Variants in ATE1 observed in about 807,000 individuals in gnomAD.
The protein encoded by ATE1 is arginyltransferase 1, also known as arginyl-tRNA--protein transferase 1.
Under a neutral mutation model 70.5 loss-of-function variants are expected in ATE1, and 36 were observed. The ratio of observed to expected loss-of-function variants is 0.51; its 90% CI spans 0.39 to 0.67. The LOEUF is 0.67. ATE1 is among the 30% of genes least tolerant of loss of function. ATE1 has a pLI of 0.00. For missense variants in ATE1, 593 were observed against 629.5 expected (o/e 0.94, Z 0.62); for synonymous variants, 232 against 219.3 (o/e 1.06, Z -0.51).
In ATE1 at chr10:121,770,233, AACACACAC is replaced by A. The variant is rs3036837; in HGVS notation, c.1378+19928_1378+19935del. 1.9e-3 allele frequency among the ~76,000 whole-genome samples: 263 copies of A among 136,924 alleles called. 1 individual carries two copies. Among genetic ancestry groups the A allele is most frequent in the African/African-American group, 4.2e-3 (153 of 36,816 alleles). 89.8% of individuals were successfully genotyped at this position (136,924 alleles called of 152,430 possible). On this transcript the variant is annotated intron_variant, in intron 11 of 11. Coordinates refer to ENST00000224652, the MANE Select transcript of ATE1 (RefSeq NM_001001976.3). Reference sequence around the variant, plus strand: ...CTAAGAATAAGAAAGACAAGAGAGAAACACACACACACACACACACACACACACACACA... The same window carrying A: ...CTAAGAATAAGAAAGACAAGAGAGAAACACACACACACACACACACACACA...
In ATE1 at chr10:121,821,165, C is replaced by G. The variant is rs769879047; in HGVS notation, c.1257+15553G>C. ...TTCACCATGTTAGCCAGGATGGTCT[C>G]GATCTCCTGACCTCGTGATCCACCT... On this transcript the variant is annotated intron_variant, in intron 10 of 11. Coordinates refer to ENST00000224652, the MANE Select transcript of ATE1 (RefSeq NM_001001976.3). 2.6e-5 allele frequency among the ~76,000 whole-genome samples: 4 copies of G among 152,220 alleles called. No homozygotes were observed. In the East Asian group the frequency reaches 7.8e-4, roughly 30 times the overall value.
chr10:121,811,249 T>C lies in ATE1; in HGVS notation c.1258-20960A>G, dbSNP rs7093600. Among the ~76,000 whole-genome samples the C allele has an allele frequency of 8.2e-3, 1,248 of 152,068 alleles. 21 individuals are homozygous for C. Among genetic ancestry groups the C allele is most frequent in the African/African-American group, 0.029 (1,199 of 41,462 alleles). On this transcript the variant is annotated intron_variant, in intron 10 of 11. Transcript: ENST00000224652. ...ATGCATATGTGTAAGTATATAAACA[T>C]ACATTCACATATCTGTATATAAACA... is the stretch of plus-strand genomic sequence containing the variant.
chr10:121,798,545 A>C (rs770559008), intron 10 of ATE1, among the ~76,000 whole-genome samples: 3 of 152,254 alleles, frequency 2.0e-5, no homozygotes, highest in Non-Finnish European at 4.4e-5. Flanking sequence ...TTTGTTAAGA[A>C]CATAGTCCTC....
chr10:121,897,824 CA>C (rs59751617), intron 7 of ATE1, among the ~76,000 whole-genome samples: 17,096 of 101,700 alleles, frequency 0.17, 1,077 homozygotes, highest in East Asian at 0.22. Flanking sequence ...GACTCCGTCT[CA>C]AAAAAAAAAA....
rs138075976 is a variant in ATE1, at chr10:121,852,066, A to G, written c.976-10803T>C. 1.9e-3 allele frequency among the ~76,000 whole-genome samples: 290 copies of G among 152,340 alleles called. 4 individuals carry two copies. In the East Asian group the frequency reaches 0.02, roughly 10 times the overall value. ...TATGTACCTTAGCTATGCCCAGAACACAGTGAAGGCTCAAAAGAACAGGAG... is the reference window on the plus strand; with the variant it reads ...TATGTACCTTAGCTATGCCCAGAACGCAGTGAAGGCTCAAAAGAACAGGAG... On this transcript the variant is annotated intron_variant, in intron 8 of 11. Transcript: ENST00000224652.
rs1947208377 is a variant in ATE1 at position 121,808,995 on chromosome 10, G to T, written c.1258-18706C>A. The stretch of plus-strand genomic sequence containing the variant: ...TGTAACATAATACATCAGTTATTTT[G>T]AAAGTACTGATTCACTGAGTTAGGC... On this transcript the variant is annotated intron_variant, in intron 10 of 11. Transcript: ENST00000224652. Among the ~76,000 whole-genome samples the T allele has an allele frequency of 3.9e-5, 6 of 152,192 alleles. No homozygotes were observed. In the South Asian group the frequency reaches 1.2e-3, roughly 32 times the overall value.
intron 10 of ATE1, among the ~76,000 whole-genome samples, chr10:121,836,146 C>A (rs1035666526): frequency 2.7e-4 from 41 of 152,124 alleles, no homozygotes; most frequent in African/African-American, 9.9e-4. Flanking sequence ...TACCTACTTT[C>A]TTCTTGAGCT....
intron 7 of ATE1, among the ~76,000 whole-genome samples, chr10:121,888,778 A>G (rs1223234324): frequency 6.6e-6 from 1 of 152,228 alleles, no homozygotes; most frequent in African/African-American, 2.4e-5. Context: ...ATAGTCATAC[A>G]TAAAACACTA....
chr10:121,885,918 T>C (rs139105533), intron 7 of ATE1, among the ~76,000 whole-genome samples: 2,385 of 151,902 alleles, frequency 0.016, 57 homozygotes, highest in African/African-American at 0.055. Flanking sequence ...TAAATAAATA[T>C]TAAATAAATA....
intron 5 of ATE1, among the ~76,000 whole-genome samples, chr10:121,910,435 G>A (rs1162935033): frequency 6.6e-6 from 1 of 151,768 alleles, no homozygotes; most frequent in African/African-American, 2.4e-5. Context: ...CCTGATTAAA[G>A]GCAAAGTTAA....
chr10:121,867,393 T>C (rs968623038), intron 8 of ATE1, among the ~76,000 whole-genome samples: 2 of 152,334 alleles, frequency 1.3e-5, no homozygotes, highest in African/African-American at 2.4e-5. Flanking sequence ...CCCAGCCTAA[T>C]TGCCTTCTGC....
chr10:121,860,500 C>T (rs1949429536), intron 8 of ATE1, among the ~76,000 whole-genome samples: 1 of 152,074 alleles, frequency 6.6e-6, no homozygotes, highest in African/African-American at 2.4e-5. Context: ...TAAATGTTTC[C>T]ATGAAAGCAA....
At chr10:121,771,371 T>C (rs908136505) in intron 11 of ATE1, among the ~76,000 whole-genome samples, 12 of 152,090 alleles carry the variant, frequency 7.9e-5, no homozygotes, top group Non-Finnish European at 1.5e-4. Flanking sequence ...GCCCGGCCTC[T>C]CTCTACTTTA....
At chr10:121,764,483 C>A (rs1407164773) in intron 11 of ATE1, among the ~76,000 whole-genome samples, 55 of 123,692 alleles carry the variant, frequency 4.4e-4, no homozygotes, top group East Asian at 2.3e-3. Context: ...CCGGTTCCTG[C>A]AAAAAAAAAA....
chr10:121,871,839 G>C (rs1949872983), intron 7 of ATE1, among the ~76,000 whole-genome samples: 1 of 152,162 alleles, frequency 6.6e-6, no homozygotes, highest in Non-Finnish European at 1.5e-5. Context: ...ATAACTTTCT[G>C]AAAGTGCAAA....
chr10:121,919,164 A>G (rs958361321), intron 3 of ATE1, among the ~76,000 whole-genome samples: 1 of 152,022 alleles, frequency 6.6e-6, no homozygotes, highest in Non-Finnish European at 1.5e-5. Flanking sequence ...GTTCTTTCAC[A>G]CTTCACAATA....
At chr10:121,826,029 T>C (rs1416604113) in intron 10 of ATE1, among the ~76,000 whole-genome samples, 1 of 152,202 alleles carries the variant, frequency 6.6e-6, no homozygotes, top group African/African-American at 2.4e-5. Context: ...CATGAATGAA[T>C]CTTGAGGGTA....
chr10:121,847,756 C>CAAAAA (rs34868723), intron 8 of ATE1, among the ~76,000 whole-genome samples: 1 of 60,842 alleles, frequency 1.6e-5, no homozygotes, highest in Non-Finnish European at 3.0e-5. Flanking sequence ...GACTCTGTCT[C>CAAAAA]AAAAAAAAAA....
At chr10:121,810,624 T>A (rs1947281356) in intron 10 of ATE1, among the ~76,000 whole-genome samples, 1 of 152,198 alleles carries the variant, frequency 6.6e-6, no homozygotes, top group African/African-American at 2.4e-5. Flanking sequence ...ATATGACTAG[T>A]ATGACTGAAA....
Sources: allele counts gnomAD v4.1 joint callset (sites outside exome capture counted in the v4.1 genomes callset), GRCh38; gene constraint gnomAD v4.1.1; transcripts MANE v1.5; gene names NCBI Gene and HGNC (gene_info 2026-07-23, HGNC 2026-07-21).